Variants in GLIS3 observed in about 807,000 individuals in gnomAD.
GLIS3 encodes GLIS family zinc finger 3, also known as zinc finger protein GLIS3.
In GLIS3, 53 loss-of-function variants were observed where a neutral mutation model predicts 78.6. That is an observed-to-expected ratio of 0.67 (90% CI 0.54 to 0.85). The LOEUF (loss-of-function observed/expected upper bound fraction) is 0.85, where lower values mean the gene tolerates loss of function less well. Ranked by LOEUF, GLIS3 falls within the 40% of genes least tolerant of loss-of-function variation. The pLI is 0.00. For synonymous variants in GLIS3, 684 were observed against 509.9 expected (o/e 1.34, Z -4.60); for missense variants, 1,703 against 1,231.1 (o/e 1.38, Z -5.74).
At chr9:4,324,845 A>T (rs1817579009) in intron 2 of GLIS3, among the ~76,000 whole-genome samples, 1 of 152,238 alleles carries the variant, frequency 6.6e-6, no homozygotes, top group Non-Finnish European at 1.5e-5. Context: ...TAATCACTTC[A>T]ATCATCAATT....
chr9:3,911,465 G>T (rs1046873109), intron 6 of GLIS3, among the ~76,000 whole-genome samples: 1 of 152,132 alleles, frequency 6.6e-6, no homozygotes, highest in Non-Finnish European at 1.5e-5. Flanking sequence ...GTGAAAACTT[G>T]ATTAAAACAT....
intron 4 of GLIS3, among the ~76,000 whole-genome samples, chr9:4,042,084 T>A (rs979361986): frequency 6.6e-6 from 1 of 152,154 alleles, no homozygotes; most frequent in South Asian, 2.1e-4. Flanking sequence ...TCAATAAGAT[T>A]TCTGAATAGA....
chr9:3,940,496 G>C (rs1815801634), intron 4 of GLIS3, among the ~76,000 whole-genome samples: 1 of 152,100 alleles, frequency 6.6e-6, no homozygotes, highest in Non-Finnish European at 1.5e-5. Context: ...TACCCAAATT[G>C]AACAATATCC....
intron 2 of GLIS3, among the ~76,000 whole-genome samples, chr9:4,273,116 G>A (rs1826668597): frequency 1.3e-5 from 2 of 152,160 alleles, no homozygotes; most frequent in Middle Eastern, 3.2e-3. Context: ...TGCCTAGACT[G>A]GAGAGTTATG....
In GLIS3 at chr9:4,191,080, T is replaced by C. The variant is rs1434152431; in HGVS notation, c.389-65139A>G. ...ACTGGTACCAGCCACTGCAAAATCA[T>C]GCCAAAATGTAAATACCATCGAGAC... On this transcript the variant is annotated intron_variant, in intron 2 of 10. Coordinates refer to ENST00000381971, the MANE Select transcript of GLIS3 (RefSeq NM_001042413.2). Among the ~76,000 whole-genome samples the C allele has an allele frequency of 2.0e-5, 3 of 151,786 alleles. No homozygotes were observed. In the East Asian group the frequency reaches 5.8e-4, roughly 29 times the overall value.
intron 2 of GLIS3, among the ~76,000 whole-genome samples, chr9:4,150,006 T>A (rs757855168): frequency 1.3e-5 from 2 of 152,152 alleles, no homozygotes; most frequent in African/African-American, 2.4e-5. Flanking sequence ...GTTAGGAATA[T>A]AAGAACATAA....
At chr9:3,844,020 G>C (rs1055356411) in intron 9 of GLIS3, among the ~76,000 whole-genome samples, 4 of 152,186 alleles carry the variant, frequency 2.6e-5, no homozygotes, top group Non-Finnish European at 4.4e-5. Context: ...TGGTTAGAGA[G>C]GGGAAATTCC....
chr9:4,348,784 A>T (rs943131624), upstream of GLIS3, among the ~76,000 whole-genome samples: 1 of 148,764 alleles, frequency 6.7e-6, no homozygotes, highest in Non-Finnish European at 1.5e-5. Flanking sequence ...AAAAAAAAAC[A>T]GATTAAAAAG....
intron 2 of GLIS3, among the ~76,000 whole-genome samples, chr9:4,251,790 G>A (rs1400618478): frequency 1.3e-5 from 2 of 152,156 alleles, no homozygotes; most frequent in African/African-American, 4.8e-5. Flanking sequence ...GCTTTTGTAA[G>A]GCAGGCCTGG....
chr9:3,932,477 GAGAA>G lies in GLIS3; in HGVS notation c.1873-11_1873-8del, dbSNP rs756282241. 33 of 1,586,844 alleles carry G rather than the reference GAGAA, an allele frequency of 2.1e-5. No individual in the cohort carries two copies. Among genetic ancestry groups the G allele is most frequent in the East Asian group, 4.5e-5 (2 of 44,678 alleles). Reference sequence around the variant, plus strand: ...TTTGACAAGCATAAGGTTTCTAAATGAGAAAGAAAGAAAGAAACAGCTGTGGTTA... The same window carrying G: ...TTTGACAAGCATAAGGTTTCTAAATGAGAAAGAAAGAAACAGCTGTGGTTA... On this transcript the variant is annotated splice_polypyrimidine_tract_variant and splice_region_variant and intron_variant, in intron 5 of 10. Transcript: ENST00000381971.
chr9:4,441,483 C>T, the GLIS3 span, among the ~76,000 whole-genome samples: 2 of 152,204 alleles, frequency 1.3e-5, no homozygotes, highest in Non-Finnish European at 2.9e-5. Flanking sequence ...GGAGTGGATT[C>T]ATCTTGATCT....
At chr9:4,450,788 A>G in the GLIS3 span, among the ~76,000 whole-genome samples, 3 of 152,172 alleles carry the variant, frequency 2.0e-5, no homozygotes. Context: ...CTTTACAGAC[A>G]AGCAAATGCT....
At chr9:3,904,712 T>G (rs1012379044) in intron 6 of GLIS3, among the ~76,000 whole-genome samples, 2 of 152,194 alleles carry the variant, frequency 1.3e-5, no homozygotes, top group Non-Finnish European at 2.9e-5. Context: ...CACCAATCTC[T>G]ACAGTGTGTT....
At chr9:3,865,403 C>T (rs1305922880) in intron 8 of GLIS3, among the ~76,000 whole-genome samples, 2 of 152,224 alleles carry the variant, frequency 1.3e-5, no homozygotes, top group African/African-American at 4.8e-5. Context: ...TTTGACCAGC[C>T]TATTCTATGT....
At chr9:4,217,361 A>C (rs963662386) in intron 2 of GLIS3, among the ~76,000 whole-genome samples, 1 of 152,220 alleles carries the variant, frequency 6.6e-6, no homozygotes, top group Non-Finnish European at 1.5e-5. Flanking sequence ...TTTAGTCTTC[A>C]TCCCAAGTCT....
chr9:4,467,003 G>A, the GLIS3 span, among the ~76,000 whole-genome samples: 4 of 152,344 alleles, frequency 2.6e-5, no homozygotes, highest in South Asian at 4.1e-4. Flanking sequence ...CTGGCTCGGC[G>A]GGTCCCATGC....
chr9:3,981,973 G>A (rs1292131771), intron 4 of GLIS3, among the ~76,000 whole-genome samples: 1 of 152,050 alleles, frequency 6.6e-6, no homozygotes, highest in African/African-American at 2.4e-5. Context: ...CATGTTAACA[G>A]TTTTAATCTT....
chr9:4,104,325 C>T (rs556960650), intron 4 of GLIS3, among the ~76,000 whole-genome samples: 6 of 152,198 alleles, frequency 3.9e-5, no homozygotes, highest in African/African-American at 1.2e-4. Flanking sequence ...CTTAAAGTTA[C>T]CTCTGACACT....
At chr9:3,890,456 A>T (rs1822354600) in intron 7 of GLIS3, among the ~76,000 whole-genome samples, 1 of 152,180 alleles carries the variant, frequency 6.6e-6, no homozygotes. Flanking sequence ...ACTGCCACAG[A>T]CATTGACTTT....
Sources: gnomAD v4.1 joint callset for allele counts (sites outside exome capture counted in the v4.1 genomes callset) on GRCh38, gnomAD v4.1.1 for gene constraint, MANE v1.5 for transcripts, NCBI Gene and HGNC (gene_info 2026-07-23, HGNC 2026-07-21) for gene names.